RNF11: variants seen among roughly 807,000 people sequenced by gnomAD.
RNF11 encodes the protein ring finger protein 11.
A neutral mutation model predicts 15.8 loss-of-function variants in RNF11; 4 were observed. The observed-to-expected ratio is 0.25, with a 90% confidence interval of 0.12 to 0.58. The LOEUF (loss-of-function observed/expected upper bound fraction) is 0.58. RNF11 is among the 20% of genes least tolerant of loss of function. The pLI is 0.91. For synonymous variants in RNF11, 68 were observed against 72.3 expected (o/e 0.94, Z 0.30); for missense variants, 139 against 194.4 (o/e 0.71, Z 1.70).
At chr1:51,269,633 T>A (rs191892941) in intron 1 of RNF11, among the ~76,000 whole-genome samples, 1 of 152,362 alleles carries the variant, frequency 6.6e-6, no homozygotes, top group African/African-American at 2.4e-5. Flanking sequence ...TAAAAAGTTT[T>A]AAAAATTATT....
intron 1 of RNF11, 118 bp downstream of exon 1, chr1:51,236,997 C>A (rs957907844): frequency 1.5e-6 from 2 of 1,328,930 alleles, no homozygotes; most frequent in Admixed American, 5.4e-5. Context: ...CGGCATTGAC[C>A]CCTTAGGGCT....
intron 1 of RNF11, among the ~76,000 whole-genome samples, chr1:51,247,594 G>C (rs183537364): frequency 6.6e-6 from 1 of 152,102 alleles, no homozygotes; most frequent in South Asian, 2.1e-4. Context: ...CCTGGCCAAA[G>C]TTGAAAAGTA....
intron 1 of RNF11, 83 bp from the exon 2 acceptor site, chr1:51,269,873 T>C: frequency 8.2e-7 from 1 of 1,213,698 alleles, no homozygotes; most frequent in East Asian, 2.5e-5. Context: ...AGGGCTCCCT[T>C]TCCCTTCTAT....
intron 1 of RNF11, among the ~76,000 whole-genome samples, chr1:51,259,900 C>A (rs934325523): frequency 2.6e-5 from 4 of 152,204 alleles, no homozygotes; most frequent in African/African-American, 7.2e-5. Flanking sequence ...TTATCGCATT[C>A]TCTTTGTGCT....
chr1:51,269,832 C>T (rs958776622), intron 1 of RNF11, 124 bp from the exon 2 acceptor site: 1 of 740,490 alleles, frequency 1.4e-6, no homozygotes, highest in African/African-American at 1.8e-5. Flanking sequence ...AGTCATACAG[C>T]CAAACACTAG....
chr1:51,252,042 A>C lies in RNF11; in HGVS notation c.123+15163A>C, dbSNP rs946244994. 3.0e-4 allele frequency among the ~76,000 whole-genome samples: 43 copies of C among 145,740 alleles called. 1 individual carries two copies. Among genetic ancestry groups the C allele is most frequent in the Non-Finnish European group, 5.8e-4 (39 of 67,216 alleles). On this transcript the variant is annotated intron_variant, in intron 1 of 2. Transcript: ENST00000242719. ...CAGTGAGCCAAGATCATGCCACTGCACTCCAGCCAGGGTGACAGAGCAAGA... is the reference window on the plus strand; with the variant it reads ...CAGTGAGCCAAGATCATGCCACTGCCCTCCAGCCAGGGTGACAGAGCAAGA...
chr1:51,251,817 G>A (rs1646879407), intron 1 of RNF11, among the ~76,000 whole-genome samples: 2 of 151,968 alleles, frequency 1.3e-5, no homozygotes, highest in Non-Finnish European at 1.5e-5. Context: ...GGTGGCTCAC[G>A]CCTGTAATCT....
At chr1:51,243,731 G>A (rs751978823) in intron 1 of RNF11, among the ~76,000 whole-genome samples, 2 of 152,176 alleles carry the variant, frequency 1.3e-5, no homozygotes, top group African/African-American at 2.4e-5. Flanking sequence ...GAGCCACCAC[G>A]CCCGGCCCTT....
intron 1 of RNF11, among the ~76,000 whole-genome samples, chr1:51,255,695 T>TA (rs1422329805): frequency 6.6e-6 from 1 of 152,242 alleles, no homozygotes; most frequent in East Asian, 1.9e-4. Flanking sequence ...TGCATGTGAC[T>TA]AGCCTGATGT....
At chr1:51,253,617 A>ATGAT (rs1646891140) in intron 1 of RNF11, among the ~76,000 whole-genome samples, 1 of 152,076 alleles carries the variant, frequency 6.6e-6, no homozygotes, top group Non-Finnish European at 1.5e-5. Context: ...GATAAGTAAA[A>ATGAT]TGATCTCCAT....
chr1:51,240,565 T>C (rs1368085363), intron 1 of RNF11, among the ~76,000 whole-genome samples: 1 of 152,100 alleles, frequency 6.6e-6, no homozygotes, highest in Non-Finnish European at 1.5e-5. Flanking sequence ...TTTTAATTGG[T>C]GTTTCCTAAG....
rs530982561 is a variant in RNF11 at position 51,268,667 on chromosome 1, A to G, written c.124-1289A>G. Among the ~76,000 whole-genome samples the G allele has an allele frequency of 2.2e-4, 34 of 152,308 alleles. No homozygotes were observed. The East Asian group carries it at 5.6e-3, about 25-fold the overall frequency. The stretch of plus-strand genomic sequence containing the variant: ...TTTATATTATCTTAGTCTTAAACCA[A>G]TTTGTTCCCAGTTTGCGTGTGGATG... On this transcript the variant is annotated intron_variant, in intron 1 of 2. Coordinates refer to ENST00000242719, the MANE Select transcript of RNF11 (RefSeq NM_014372.5).
intron 1 of RNF11, among the ~76,000 whole-genome samples, chr1:51,252,887 C>T (rs745775455): frequency 6.6e-5 from 10 of 151,184 alleles, no homozygotes; most frequent in South Asian, 2.1e-4. Context: ...AGTGCAGTGG[C>T]GCGATCTTGG....
rs1183015427 is a variant in RNF11, at chr1:51,236,669, C to T, written c.-88C>T. The T allele has an allele frequency of 6.4e-7, 1 of 1,568,830 alleles. No individual in the cohort carries two copies. The highest frequency in any genetic ancestry group is 8.7e-7 in the Non-Finnish European group (1 of 1,151,436). On this transcript the variant is annotated 5_prime_UTR_variant, in exon 1 of 3. Coordinates refer to ENST00000242719, the MANE Select transcript of RNF11 (RefSeq NM_014372.5). ...ATCCCCGGCCTGTCGCCCGACCCCA[C>T]CTCGCCAACCGAGGCGGACCGCGGA...
At chr1:51,237,442 G>GTATATATATATATATATATATATGTGTA (rs66523963) in intron 1 of RNF11, among the ~76,000 whole-genome samples, 14 of 140,508 alleles carry the variant, frequency 1.0e-4, no homozygotes, top group East Asian at 4.1e-4. Context: ...ATATATATGT[G>GTATATATATATATATATATATATGTGTA]TATATATATA....
At chr1:51,239,835 G>A (rs187572044) in intron 1 of RNF11, among the ~76,000 whole-genome samples, 2 of 152,200 alleles carry the variant, frequency 1.3e-5, no homozygotes, top group Non-Finnish European at 2.9e-5. Context: ...AGATGTCATT[G>A]TTTGCTGCTT....
At chr1:51,250,599 T>C in intron 1 of RNF11, 1 of 669,734 alleles carries the variant, frequency 1.5e-6, no homozygotes, top group Non-Finnish European at 2.6e-6. Flanking sequence ...CTAAAAACCC[T>C]ATGTTGTAGC....
intron 1 of RNF11, among the ~76,000 whole-genome samples, chr1:51,256,245 A>G (rs1271904198): frequency 1.3e-5 from 2 of 152,170 alleles, no homozygotes; most frequent in African/African-American, 4.8e-5. Context: ...CCAACACCTG[A>G]CAACCACTGA....
intron 1 of RNF11, among the ~76,000 whole-genome samples, chr1:51,252,168 A>G (rs1646882004): frequency 6.6e-6 from 1 of 152,020 alleles, no homozygotes; most frequent in Admixed American, 6.6e-5. Context: ...GATTTTCCTA[A>G]TATTCTTTTC....
Sources: gnomAD v4.1 joint callset for allele counts (sites outside exome capture counted in the v4.1 genomes callset) on GRCh38, gnomAD v4.1.1 for gene constraint, MANE v1.5 for transcripts, NCBI Gene and HGNC (gene_info 2026-07-23, HGNC 2026-07-21) for gene names.